The following DNAH17 variants were observed in gnomAD, a reference collection of about 807,000 sequenced individuals.
DNAH17 encodes axonemal beta dynein heavy chain 17.
A neutral mutation model predicts 485.6 loss-of-function variants in DNAH17; 376 were observed. The ratio of observed to expected loss-of-function variants is 0.77; its 90% CI spans 0.71 to 0.84. DNAH17 has a LOEUF of 0.84. Ranked by LOEUF, DNAH17 falls within the 40% of genes least tolerant of loss-of-function variation. The pLI is 0.00. For synonymous variants in DNAH17, 3,031 were observed against 2,405.9 expected, an observed-to-expected ratio of 1.26 and a Z score of -7.60; for missense variants, 6,370 against 5,839.3, an observed-to-expected ratio of 1.09 and a Z score of -2.96.
At chr17:78,502,012 T>C (rs897975191) in intron 33 of DNAH17, 139 bp from the exon 34 acceptor site, 1 of 1,255,088 alleles carries the variant, frequency 8.0e-7, no homozygotes, top group African/African-American at 1.5e-5. Flanking sequence ...GCGCCCTCGG[T>C]AGGCCCCAGC....
intron 30 of DNAH17, 32 bp from the exon 31 acceptor site, chr17:78,505,477 A>G (rs768905177): frequency 1.7e-5 from 28 of 1,613,300 alleles, no homozygotes; most frequent in Admixed American, 3.3e-5. Context: ...GAATTATGCA[A>G]CGGGGGATTT....
At chr17:78,474,904 G>C (rs145098703) in intron 54 of DNAH17, among the ~76,000 whole-genome samples, 2 of 113,888 alleles carry the variant, frequency 1.8e-5, no homozygotes, top group African/African-American at 7.6e-5. Context: ...GGGCCGGGAG[G>C]TTTCACACGC....
At position 78,425,643 on chromosome 17, in the gene DNAH17, C is replaced by G. The variant is rs1455419608; in HGVS notation, c.12916-72G>C. 1.3e-5 allele frequency: 18 copies of G among 1,400,730 alleles called. No individual in the cohort carries two copies. The East Asian group carries it at 3.7e-4, about 29-fold the overall frequency. 86.8% of individuals were successfully genotyped at this position (1,400,730 alleles called of 1,614,324 possible). ...TGGGAACGACCGGGCCTTGGCCGTTCTGAGCAGGGGTCACGCCAGAACCTT... is the reference window on the plus strand; with the variant it reads ...TGGGAACGACCGGGCCTTGGCCGTTGTGAGCAGGGGTCACGCCAGAACCTT... On this transcript the variant is annotated intron_variant, in intron 79 of 80. Transcript: ENST00000389840.
chr17:78,535,483 A>G (rs1294908879), intron 19 of DNAH17, among the ~76,000 whole-genome samples: 1 of 151,934 alleles, frequency 6.6e-6, no homozygotes, highest in African/African-American at 2.4e-5. Context: ...ATGCCTCCCC[A>G]CCACACATGC....
chr17:78,543,021 G>A (rs62075912), intron 17 of DNAH17, among the ~76,000 whole-genome samples: 6 of 152,242 alleles, frequency 3.9e-5, no homozygotes, highest in Non-Finnish European at 8.8e-5. Flanking sequence ...CTTAGCAGAG[G>A]GCAGGCCCAT....
At chr17:78,539,543 G>C (rs1356707541) in intron 18 of DNAH17, among the ~76,000 whole-genome samples, 194 bp downstream of exon 18, 1 of 152,186 alleles carries the variant, frequency 6.6e-6, no homozygotes, top group Non-Finnish European at 1.5e-5. Flanking sequence ...CAGTGGTCCT[G>C]AGTGCCTGGG....
intron 19 of DNAH17, among the ~76,000 whole-genome samples, chr17:78,533,329 G>A (rs1489093644): frequency 6.6e-6 from 1 of 152,204 alleles, no homozygotes; most frequent in Non-Finnish European, 1.5e-5. Context: ...GTGAAATGGG[G>A]AGCAGGTCAG....
chr17:78,460,052 G>A (rs529645550), intron 59 of DNAH17, 51 bp from the exon 60 acceptor site: 58 of 1,603,470 alleles, frequency 3.6e-5, no homozygotes, highest in South Asian at 3.4e-4. Context: ...CCGGGTCCTC[G>A]GTGATGCCCC....
intron 16 of DNAH17, among the ~76,000 whole-genome samples, chr17:78,549,200 G>T (rs2091845171): frequency 6.6e-6 from 1 of 152,202 alleles, no homozygotes; most frequent in Non-Finnish European, 1.5e-5. Context: ...CTTGGGTTTA[G>T]ATGAGATAAT....
At chr17:78,485,844 G>A in intron 46 of DNAH17, 87 bp from the exon 47 acceptor site, 1 of 1,571,450 alleles carries the variant, frequency 6.4e-7, no homozygotes. Flanking sequence ...CTACCGAACA[G>A]GTCCTAATGT....
intron 49 of DNAH17, among the ~76,000 whole-genome samples, chr17:78,479,917 G>T (rs1331274558): frequency 2.1e-5 from 3 of 144,538 alleles, no homozygotes; most frequent in Non-Finnish European, 4.5e-5. Flanking sequence ...ATCTCTGTGT[G>T]TTTAGATAAC....
In DNAH17 at chr17:78,575,000, G is replaced by A. The variant is rs777844763; in HGVS notation, c.58C>T (p.Leu20=). The change falls in exon 2 of 81, where the codon CTG becomes TTG. Residue 20 remains leucine, a synonymous_variant. Transcript: ENST00000389840. ...CTCCACTTGTCCGGCTTGAACTTCAGGACGATGGAGGCAACTTCCTCCAGA... is the reference window on the plus strand; with the variant it reads ...CTCCACTTGTCCGGCTTGAACTTCAAGACGATGGAGGCAACTTCCTCCAGA... ...EYLEEVASIV[L]KFKPDKWSKL... The A allele has an allele frequency of 1.2e-6, 2 of 1,613,964 alleles. No homozygotes were observed. Among genetic ancestry groups the A allele is most frequent in the Admixed American group, 1.7e-5 (1 of 60,018 alleles).
In DNAH17 at chr17:78,530,581, CAGTCCAGGGCCTT is replaced by C; in HGVS notation, c.3115-82_3115-70del. ...TAGGGGGGGCGTCAGCACAGGGCCT[CAGTCCAGGGCCTT>C]CCTGCACTGCACCTGCGCTGCTCAC... On this transcript the variant is annotated intron_variant, in intron 20 of 80. Transcript: ENST00000389840. The C allele has an allele frequency of 2.6e-6, 4 of 1,526,222 alleles. 1 individual carries two copies. In the Middle Eastern group the frequency reaches 7.0e-4, roughly 268 times the overall value. The allele number at this position is 1,526,222 out of a possible 1,614,324, so 94.5% of individuals were successfully genotyped here.
At chr17:78,430,676 G>C (rs923007985) in intron 75 of DNAH17, among the ~76,000 whole-genome samples, 2 of 149,110 alleles carry the variant, frequency 1.3e-5, no homozygotes, top group African/African-American at 4.9e-5. Context: ...TGCCTCCTGG[G>C]TTCAAGCAAT....
At chr17:78,523,606 A>G (rs1260185787) in intron 25 of DNAH17, among the ~76,000 whole-genome samples, 3 of 152,264 alleles carry the variant, frequency 2.0e-5, no homozygotes, top group Non-Finnish European at 4.4e-5. Context: ...GGATATATAG[A>G]TGTCAAATAA....
chr17:78,486,936 T>C (rs2089636176), intron 44 of DNAH17, among the ~76,000 whole-genome samples: 1 of 151,230 alleles, frequency 6.6e-6, no homozygotes. Context: ...GACATTTCAT[T>C]ACATCATCTG....
rs1233026997 is a variant in DNAH17, at chr17:78,445,670, A to G, written c.11222T>C (p.Met3741Thr). The G allele has an allele frequency of 6.3e-7, 1 of 1,587,508 alleles. No individual in the cohort carries two copies. Residue 3741 changes from methionine (M) to threonine (T), a missense_variant, in exon 70 of 81, where the codon ATG (methionine) becomes ACG (threonine). Physicochemically the swap from Met to Thr is moderately conservative, Grantham distance 81. Transcript: ENST00000389840. ...LAQVTFQVLS[M>T]KKELNPVELD... ...CTCCACTGGGTTCAGCTCCTTCTTC[A>G]TGGACAGGACCTGGGGGAACATCGA...
At chr17:78,460,355 CATGT>C in intron 58 of DNAH17, 98 bp from the exon 59 acceptor site, 32 of 1,019,452 alleles carry the variant, frequency 3.1e-5, no homozygotes, top group Non-Finnish European at 4.2e-5. Flanking sequence ...CATGTGTGTG[CATGT>C]ATGCACGTGC....
intron 13 of DNAH17, among the ~76,000 whole-genome samples, chr17:78,559,107 T>C (rs996310733): frequency 6.6e-6 from 1 of 152,236 alleles, no homozygotes; most frequent in Non-Finnish European, 1.5e-5. Context: ...TCCAACGTTA[T>C]AGCTGCCTTG....
Sources: allele counts gnomAD v4.1 joint callset (sites outside exome capture counted in the v4.1 genomes callset), GRCh38; gene constraint gnomAD v4.1.1; transcripts MANE v1.5; gene names NCBI Gene and HGNC (gene_info 2026-07-23, HGNC 2026-07-21).